Variants in ELMO1 observed in about 807,000 individuals in gnomAD.
ELMO1 encodes the protein engulfment and cell motility 1, also known as engulfment and cell motility protein 1.
ELMO1 carries 26 observed loss-of-function variants against 98.9 expected under a neutral mutation model. The observed-to-expected ratio is 0.26, with a 90% confidence interval of 0.19 to 0.36. The LOEUF (loss-of-function observed/expected upper bound fraction) is 0.36, where lower values mean the gene tolerates loss of function less well. ELMO1 is among the 10% of genes least tolerant of loss of function. The probability of loss-of-function intolerance (pLI) is 1.00; values close to 1 mark genes in which losing one functional copy is unlikely to be tolerated. For synonymous variants in ELMO1, 346 were observed against 346.0 expected (o/e 1.00, Z 0.00); for missense variants, 627 against 935.2 (o/e 0.67, Z 4.30).
intron 2 of ELMO1, among the ~76,000 whole-genome samples, chr7:37,340,661 T>G (rs555147809): frequency 6.6e-6 from 1 of 152,200 alleles, no homozygotes; most frequent in Admixed American, 6.5e-5. Flanking sequence ...AAACTGGAAA[T>G]AGGGTATAAA....
chr7:37,241,922 T>C (rs1024651604), intron 7 of ELMO1, among the ~76,000 whole-genome samples: 2 of 152,222 alleles, frequency 1.3e-5, no homozygotes, highest in South Asian at 2.1e-4. Context: ...TTTGTCTTTT[T>C]ATATTACCCA....
intron 16 of ELMO1, among the ~76,000 whole-genome samples, chr7:36,992,227 C>T (rs746476721): frequency 5.9e-5 from 9 of 152,184 alleles, no homozygotes; most frequent in Non-Finnish European, 1.0e-4. Context: ...TCTTCCAGAG[C>T]ACCAGGCTTG....
At chr7:37,120,946 G>A (rs965256178) in intron 14 of ELMO1, among the ~76,000 whole-genome samples, 2 of 152,162 alleles carry the variant, frequency 1.3e-5, no homozygotes, top group South Asian at 2.1e-4. Flanking sequence ...GAACATTCAG[G>A]CAGCAACATC....
At chr7:36,913,150 T>C (rs1784452816) in intron 16 of ELMO1, among the ~76,000 whole-genome samples, 1 of 152,236 alleles carries the variant, frequency 6.6e-6, no homozygotes, top group South Asian at 2.1e-4. Flanking sequence ...TTAATTACAC[T>C]GTGTGTAATT....
intron 5 of ELMO1, among the ~76,000 whole-genome samples, chr7:37,260,211 T>G (rs1795908224): frequency 6.6e-6 from 1 of 152,216 alleles, no homozygotes; most frequent in Non-Finnish European, 1.5e-5. Flanking sequence ...ATAACCAAGT[T>G]AACTCAAAAT....
chr7:37,123,057 A>G (rs571217603), intron 14 of ELMO1, among the ~76,000 whole-genome samples: 3,713 of 148,794 alleles, frequency 0.025, 146 homozygotes, highest in African/African-American at 0.082. Flanking sequence ...ACAAAATGAA[A>G]GTAGAAATAA....
chr7:36,910,910 T>C (rs1474420510), intron 16 of ELMO1, among the ~76,000 whole-genome samples: 1 of 152,202 alleles, frequency 6.6e-6, no homozygotes, highest in Non-Finnish European at 1.5e-5. Context: ...CTCTGTATTT[T>C]TCCCCCAAAA....
At chr7:37,391,970 A>G (rs1803098380) in intron 1 of ELMO1, among the ~76,000 whole-genome samples, 1 of 152,184 alleles carries the variant, frequency 6.6e-6, no homozygotes, top group African/African-American at 2.4e-5. Context: ...ACACACATGC[A>G]ATGGCCCTGC....
At chr7:36,926,173 G>A (rs1255140445) in intron 16 of ELMO1, among the ~76,000 whole-genome samples, 1 of 152,172 alleles carries the variant, frequency 6.6e-6, no homozygotes. Context: ...GCAAAGAGGT[G>A]GAGGAAGGGA....
At chr7:37,168,965 G>A (rs887540518) in intron 13 of ELMO1, among the ~76,000 whole-genome samples, 3 of 152,346 alleles carry the variant, frequency 2.0e-5, no homozygotes, top group African/African-American at 7.2e-5. Flanking sequence ...GAGGCAGGCA[G>A]GCCTCCTGGA....
At chr7:37,158,369 C>T (rs1315161456) in intron 13 of ELMO1, among the ~76,000 whole-genome samples, 1 of 151,926 alleles carries the variant, frequency 6.6e-6, no homozygotes, top group Admixed American at 6.6e-5. Context: ...AGTGAACAGG[C>T]AATCTACAGA....
chr7:37,037,984 C>T (rs1221471738), intron 15 of ELMO1, among the ~76,000 whole-genome samples: 1 of 152,082 alleles, frequency 6.6e-6, no homozygotes, highest in African/African-American at 2.4e-5. Context: ...ATCACGGTGC[C>T]AACTTAACAC....
intron 9 of ELMO1, among the ~76,000 whole-genome samples, chr7:37,224,425 ATAAC>A (rs1302557329): frequency 6.6e-6 from 1 of 152,258 alleles, no homozygotes. Context: ...CACCTTGAGC[ATAAC>A]TAAGAAAGAA....
At chr7:37,240,227 T>G (rs1201595309) in intron 7 of ELMO1, among the ~76,000 whole-genome samples, 6 of 151,872 alleles carry the variant, frequency 4.0e-5, no homozygotes, top group South Asian at 2.1e-4. Context: ...GTTGTAGAGA[T>G]AGGTTTTTGC....
intron 15 of ELMO1, among the ~76,000 whole-genome samples, chr7:37,070,975 G>A (rs999389442): frequency 6.6e-6 from 1 of 152,200 alleles, no homozygotes; most frequent in Non-Finnish European, 1.5e-5. Context: ...TTCCCCCACC[G>A]ATTATCCTCC....
At chr7:37,271,942 C>T in intron 4 of ELMO1, 60 bp from the exon 5 acceptor site, 3 of 1,456,502 alleles carry the variant, frequency 2.1e-6, no homozygotes, top group Non-Finnish European at 2.9e-6. Flanking sequence ...AAGAAGAGAA[C>T]AAAGGCAAAT....
intron 15 of ELMO1, among the ~76,000 whole-genome samples, chr7:37,071,914 G>A (rs757897149): frequency 1.3e-5 from 2 of 151,864 alleles, no homozygotes; most frequent in Admixed American, 6.6e-5. Flanking sequence ...GTGCACACAC[G>A]CACACAATAT....
chr7:37,080,704 CCTT>C (rs1797826498), intron 15 of ELMO1, among the ~76,000 whole-genome samples: 1 of 150,108 alleles, frequency 6.7e-6, no homozygotes, highest in Non-Finnish European at 1.5e-5. Context: ...ACCTTCCTCA[CCTT>C]CTCAAAGTGC....
intron 15 of ELMO1, among the ~76,000 whole-genome samples, chr7:37,071,699 A>G (rs569595818): frequency 6.6e-6 from 1 of 152,214 alleles, no homozygotes; most frequent in African/African-American, 2.4e-5. Flanking sequence ...CTTGAAAAAA[A>G]CAAAACTCAT....
Sources: allele counts gnomAD v4.1 joint callset (sites outside exome capture counted in the v4.1 genomes callset), GRCh38; gene constraint gnomAD v4.1.1; transcripts MANE v1.5; gene names NCBI Gene and HGNC (gene_info 2026-07-23, HGNC 2026-07-21).